The following CCDC170 variants were observed in gnomAD, a reference collection of about 807,000 sequenced individuals.
CCDC170 encodes the protein coiled-coil domain containing 170, also known as coiled-coil domain-containing protein 170.
In CCDC170, 69 loss-of-function variants were observed where a neutral mutation model predicts 72.6. The observed-to-expected ratio is 0.95, with a 90% CI of 0.78 to 1.16. The LOEUF is 1.16. Ranked by LOEUF, CCDC170 falls within the 50% of genes most tolerant of loss-of-function variation. The pLI is 0.00. For synonymous variants in CCDC170, 300 were observed against 303.9 expected (o/e 0.99, Z 0.13); for missense variants, 852 against 832.5 (o/e 1.02, Z -0.29).
At chr6:151,534,534 G>A (rs1782545566) in intron 1 of CCDC170, among the ~76,000 whole-genome samples, 1 of 152,140 alleles carries the variant, frequency 6.6e-6, no homozygotes, top group African/African-American at 2.4e-5. Flanking sequence ...AGAAAATATG[G>A]TGTGGTGGTC....
intron 1 of CCDC170, among the ~76,000 whole-genome samples, chr6:151,501,627 A>T (rs1781996305): frequency 6.6e-6 from 1 of 152,188 alleles, no homozygotes; most frequent in Admixed American, 6.5e-5. Flanking sequence ...GGCTTTAGAG[A>T]TGAGATAAAA....
chr6:151,576,890 C>CGGCATATTCTGATGTGAA (rs1776310122), intron 6 of CCDC170, among the ~76,000 whole-genome samples: 1 of 152,302 alleles, frequency 6.6e-6, no homozygotes, highest in Non-Finnish European at 1.5e-5. Flanking sequence ...GAAGGCTCCA[C>CGGCATATTCTGATGTGAA]GGCGGGTTCA....
chr6:151,499,515 G>T (rs796582252), intron 1 of CCDC170, among the ~76,000 whole-genome samples: 4 of 98,040 alleles, frequency 4.1e-5, no homozygotes, highest in Non-Finnish European at 4.0e-5. Context: ...AGTGGAATCA[G>T]ACTGTATTTG....
chr6:151,601,513 C>T (rs1167151057), intron 9 of CCDC170, among the ~76,000 whole-genome samples: 2 of 151,384 alleles, frequency 1.3e-5, no homozygotes, highest in Non-Finnish European at 3.0e-5. Context: ...TCCAGAAAAA[C>T]AGTGCGTGTG....
At chr6:151,560,363 C>T (rs1225360110) in intron 5 of CCDC170, among the ~76,000 whole-genome samples, 1 of 152,074 alleles carries the variant, frequency 6.6e-6, no homozygotes, top group Non-Finnish European at 1.5e-5. Flanking sequence ...TTTATTGAGA[C>T]TTGCTTTATG....
chr6:151,507,005 C>T (rs1424668869), intron 1 of CCDC170, among the ~76,000 whole-genome samples: 1 of 152,198 alleles, frequency 6.6e-6, no homozygotes, highest in Non-Finnish European at 1.5e-5. Flanking sequence ...GAATCTCTCT[C>T]TATGTACATA....
In CCDC170 at chr6:151,543,358, T is replaced by C. The variant is rs77568449; in HGVS notation, c.444-1214T>C. ...AATAATTGTACATATTTATGGGATA[T>C]GGAGTGATATTTTGATACATGTATA... On this transcript the variant is annotated intron_variant, in intron 3 of 10. Transcript: ENST00000239374. Among the ~76,000 whole-genome samples, 118 of 152,308 alleles carry C rather than the reference T, an allele frequency of 7.7e-4. No individual in the cohort carries two copies. The East Asian group carries it at 0.021, about 28-fold the overall frequency.
intron 4 of CCDC170, among the ~76,000 whole-genome samples, chr6:151,547,056 C>T (rs990785614): frequency 2.2e-4 from 34 of 152,030 alleles, no homozygotes; most frequent in African/African-American, 8.2e-4. Flanking sequence ...AGACTTCAGC[C>T]TCATTAGGTG....
In CCDC170 at chr6:151,512,191, G is replaced by A. The variant is rs962763576; in HGVS notation, c.57+18006G>A. Among the ~76,000 whole-genome samples the A allele has an allele frequency of 4.5e-5, 6 of 133,642 alleles. No homozygotes were observed. The South Asian group carries it at 7.0e-4, about 16-fold the overall frequency. 87.7% of individuals were successfully genotyped at this position (133,642 alleles called of 152,430 possible). A position where few individuals can be genotyped will look rare whatever the true frequency, so the allele number is the denominator to read the frequency against. On this transcript the variant is annotated intron_variant, in intron 1 of 10. Coordinates refer to ENST00000239374, the MANE Select transcript of CCDC170 (RefSeq NM_025059.4). ...TTTTTTTTTTTTGAGATGGAGTCTC[G>A]CTCTGTTGCCCAGGCTGGAGTGCAG...
chr6:151,593,170 G>C lies in CCDC170; in HGVS notation c.1357G>C (p.Gly453Arg). ...GTTGGACCAGATGGCTGCCGAACTT[G>C]GCTTTGACATGCGGCTGGACGTGGT... is the stretch of plus-strand genomic sequence containing the variant. Reference protein sequence around the residue: ...MKLDQMAAELGFDMRLDVVLA... With the variant: ...MKLDQMAAELRFDMRLDVVLA... Residue 453 changes from glycine to arginine, a missense_variant, in exon 8 of 11, where the codon GGC becomes CGC. Transcript: ENST00000239374. 6.2e-7 allele frequency: 1 copy of C among 1,614,174 alleles called. No individual in the cohort carries two copies. The highest frequency in any genetic ancestry group is 8.5e-7 in the Non-Finnish European group (1 of 1,180,030).
chr6:151,509,431 C>G (rs1782116266), intron 1 of CCDC170, among the ~76,000 whole-genome samples: 1 of 152,106 alleles, frequency 6.6e-6, no homozygotes, highest in African/African-American at 2.4e-5. Context: ...TGTACAAATG[C>G]TAAAAAACTG....
Position 151,619,447 on chromosome 6 carries a change from C to G in CCDC170, c.*1300C>G, listed in dbSNP as rs1291043169. ...ACTTCACTGAGAAAAATGTGTTACT[C>G]TTTTGGACAATTTATCTTATTTCTA... On this transcript the variant is annotated 3_prime_UTR_variant, in exon 11 of 11. Coordinates refer to ENST00000239374, the MANE Select transcript of CCDC170 (RefSeq NM_025059.4). 3 of 152,130 alleles carry G rather than the reference C, an allele frequency of 2.0e-5. No individual in the cohort carries two copies. Among genetic ancestry groups the G allele is most frequent in the Admixed American group, 1.3e-4 (2 of 15,268 alleles). The allele number at this position is 152,130 out of a possible 1,614,324, so 9.4% of individuals were successfully genotyped here.
At chr6:151,542,141 A>C (rs1427896454) in intron 3 of CCDC170, among the ~76,000 whole-genome samples, 1 of 151,996 alleles carries the variant, frequency 6.6e-6, no homozygotes, top group Non-Finnish European at 1.5e-5. Flanking sequence ...TGGTGTCCCA[A>C]AGTGTTAGGA....
intron 1 of CCDC170, among the ~76,000 whole-genome samples, chr6:151,496,851 G>A (rs961533383): frequency 9.2e-5 from 14 of 152,114 alleles, no homozygotes; most frequent in African/African-American, 3.1e-4. Context: ...AAAACTTATC[G>A]CATAACGTAG....
intron 1 of CCDC170, among the ~76,000 whole-genome samples, chr6:151,518,167 T>C (rs1042087703): frequency 6.6e-6 from 1 of 152,192 alleles, no homozygotes; most frequent in Non-Finnish European, 1.5e-5. Flanking sequence ...GTAGTTATGG[T>C]ATACATCCAT....
intron 9 of CCDC170, 72 bp from the exon 10 acceptor site, chr6:151,615,371 T>C: frequency 9.5e-7 from 1 of 1,054,632 alleles, no homozygotes; most frequent in African/African-American, 1.6e-5. Context: ...CATTGACTTC[T>C]GATTTGTCAT....
chr6:151,503,395 C>A (rs531452289), intron 1 of CCDC170, among the ~76,000 whole-genome samples: 20 of 152,138 alleles, frequency 1.3e-4, no homozygotes, highest in African/African-American at 4.8e-4. Flanking sequence ...GTCTTAGAAA[C>A]AGCAAGAGCG....
intron 9 of CCDC170, among the ~76,000 whole-genome samples, chr6:151,609,563 G>A (rs2115137513): frequency 6.6e-6 from 1 of 152,300 alleles, no homozygotes; most frequent in Admixed American, 6.5e-5. Context: ...AGCACACTTG[G>A]AACCTTCTCT....
intron 6 of CCDC170, among the ~76,000 whole-genome samples, chr6:151,580,958 C>A (rs1354802838): frequency 6.6e-6 from 1 of 152,134 alleles, no homozygotes; most frequent in South Asian, 2.1e-4. Flanking sequence ...AACCCTATAT[C>A]TAAAAAACAA....
Sources: allele counts gnomAD v4.1 joint callset (sites outside exome capture counted in the v4.1 genomes callset), GRCh38; gene constraint gnomAD v4.1.1; transcripts MANE v1.5; gene names NCBI Gene and HGNC (gene_info 2026-07-23, HGNC 2026-07-21).